Variants in HSDL2 observed in about 807,000 individuals in gnomAD.
The protein encoded by HSDL2 is hydroxysteroid dehydrogenase-like protein 2.
A neutral mutation model predicts 46.3 loss-of-function variants in HSDL2; 27 were observed. The ratio of observed to expected loss-of-function variants is 0.58; its 90% CI spans 0.43 to 0.80. The LOEUF (loss-of-function observed/expected upper bound fraction) is 0.80, where lower values mean the gene tolerates loss of function less well. Ranked by LOEUF, HSDL2 falls within the 30% of genes least tolerant of loss-of-function variation. The probability of loss-of-function intolerance (pLI) is 0.00; values close to 1 mark genes in which losing one functional copy is unlikely to be tolerated. For missense variants in HSDL2, 451 were observed against 502.7 expected (o/e 0.90, Z 0.98); for synonymous variants, 153 against 163.6 (o/e 0.94, Z 0.50).
At chr9:112,402,714 A>T (rs1181864706) in intron 1 of HSDL2, among the ~76,000 whole-genome samples, 2 of 152,146 alleles carry the variant, frequency 1.3e-5, no homozygotes, top group African/African-American at 4.8e-5. Context: ...CGAGGTCAGG[A>T]GTTCGAGACC....
At chr9:112,437,383 C>A (rs1259290705) in intron 6 of HSDL2, among the ~76,000 whole-genome samples, 1 of 152,102 alleles carries the variant, frequency 6.6e-6, no homozygotes, top group Non-Finnish European at 1.5e-5. Flanking sequence ...AGAGTTTATA[C>A]TACTTTCATT....
intron 10 of HSDL2, among the ~76,000 whole-genome samples, chr9:112,468,363 T>C (rs1236233196): frequency 6.6e-6 from 1 of 152,240 alleles, no homozygotes; most frequent in African/African-American, 2.4e-5. Context: ...ATTTAATCAC[T>C]CATTTCTCCT....
chr9:112,420,770 C>T (rs1420560527), intron 6 of HSDL2, among the ~76,000 whole-genome samples: 3 of 151,932 alleles, frequency 2.0e-5, no homozygotes, highest in East Asian at 1.9e-4. Context: ...CCATTTGTCC[C>T]GAGAATACTC....
At chr9:112,446,674 C>T (rs1402084939) in intron 8 of HSDL2, among the ~76,000 whole-genome samples, 4 of 152,114 alleles carry the variant, frequency 2.6e-5, no homozygotes, top group South Asian at 4.1e-4. Context: ...ACTACTCTCT[C>T]CTGGAATGCC....
chr9:112,451,264 T>C (rs1419437194), intron 8 of HSDL2, among the ~76,000 whole-genome samples: 1 of 152,178 alleles, frequency 6.6e-6, no homozygotes, highest in African/African-American at 2.4e-5. Context: ...TAATACCTTA[T>C]ATTAATAGTA....
intron 3 of HSDL2, among the ~76,000 whole-genome samples, chr9:112,408,323 C>T (rs1831777123): frequency 6.6e-6 from 1 of 152,312 alleles, no homozygotes; most frequent in African/African-American, 2.4e-5. Flanking sequence ...CTACAAACCA[C>T]CGAAGACTAA....
chr9:112,391,332 G>A (rs1831339993), intron 1 of HSDL2, among the ~76,000 whole-genome samples: 1 of 151,804 alleles, frequency 6.6e-6, no homozygotes, highest in Non-Finnish European at 1.5e-5. Context: ...AATTAACCAG[G>A]CATGTTGGCA....
chr9:112,461,018 G>A (rs7032579), intron 10 of HSDL2, among the ~76,000 whole-genome samples: 145,378 of 152,194 alleles, frequency 0.96, 69,497 homozygotes, highest in African/African-American at 0.98. Context: ...CTGTTTGGCA[G>A]TCTTTTTCAC....
At chr9:112,419,355 T>A (rs545375380) in intron 6 of HSDL2, among the ~76,000 whole-genome samples, 2 of 152,206 alleles carry the variant, frequency 1.3e-5, no homozygotes, top group Non-Finnish European at 2.9e-5. Flanking sequence ...TGAGAGTATG[T>A]AGACTGTTAA....
At chr9:112,445,126 G>A (rs1362134258) in intron 8 of HSDL2, among the ~76,000 whole-genome samples, 1 of 152,116 alleles carries the variant, frequency 6.6e-6, no homozygotes, top group East Asian at 1.9e-4. Context: ...CAATCATCCT[G>A]CCTCGGCCTC....
At chr9:112,455,927 C>G (rs374865350) in intron 9 of HSDL2, among the ~76,000 whole-genome samples, 20 of 152,262 alleles carry the variant, frequency 1.3e-4, no homozygotes, top group African/African-American at 4.3e-4. Flanking sequence ...ATCTCAAGCT[C>G]TAATGTCTAT....
rs1564131866 is a variant in HSDL2 at position 112,455,559 on chromosome 9, T to TGAA, written c.1015+1397_1015+1398insGAA. Among the ~76,000 whole-genome samples the TGAA allele has an allele frequency of 3.9e-4, 60 of 152,158 alleles. 1 individual carries two copies. Among genetic ancestry groups the TGAA allele is most frequent in the African/African-American group, 1.1e-3 (45 of 41,516 alleles). ...TTGCAAAGTTTTGGGGGAGGAAAGCTAAAAAAAATCACACCACCTGGGTGG... is the reference window on the plus strand; with the variant it reads ...TTGCAAAGTTTTGGGGGAGGAAAGCTGAAAAAAAAAATCACACCACCTGGGTGG... On this transcript the variant is annotated intron_variant, in intron 9 of 10. Coordinates refer to ENST00000398805, the MANE Select transcript of HSDL2 (RefSeq NM_032303.5).
chr9:112,404,256 C>A, intron 2 of HSDL2, 98 bp downstream of exon 2: 1 of 1,158,646 alleles, frequency 8.6e-7, no homozygotes, highest in South Asian at 1.5e-5. Flanking sequence ...TGAAAGCTAC[C>A]CTGAACATAA....
intron 6 of HSDL2, among the ~76,000 whole-genome samples, chr9:112,421,068 G>A (rs1035926590): frequency 6.6e-6 from 1 of 152,092 alleles, no homozygotes; most frequent in Non-Finnish European, 1.5e-5. Context: ...AGTGGCTCGT[G>A]CTTGTAATCC....
chr9:112,412,074 G>A (rs943485009), intron 4 of HSDL2, among the ~76,000 whole-genome samples: 1 of 152,144 alleles, frequency 6.6e-6, no homozygotes, highest in Non-Finnish European at 1.5e-5. Context: ...AATGCTCTGA[G>A]ATCTGAAACT....
rs780957603 is a variant in HSDL2 at position 112,436,960 on chromosome 9, C to CTTTTTTTTTTTTT, written c.599-1466_599-1454dup. Among the ~76,000 whole-genome samples, 52 of 126,776 alleles carry CTTTTTTTTTTTTT rather than the reference C, an allele frequency of 4.1e-4. 1 individual carries two copies. Among genetic ancestry groups the CTTTTTTTTTTTTT allele is most frequent in the East Asian group, 2.2e-3 (10 of 4,498 alleles). 83.2% of individuals were successfully genotyped at this position (126,776 alleles called of 152,430 possible). On this transcript the variant is annotated intron_variant, in intron 6 of 10. Coordinates refer to ENST00000398805, the MANE Select transcript of HSDL2 (RefSeq NM_032303.5). ...TTACTTCTCTTTCTTTTCTTTTTTTCTTTTTTTTTTTTTTTTTGAGACGGA... is the reference window on the plus strand; with the variant it reads ...TTACTTCTCTTTCTTTTCTTTTTTTCTTTTTTTTTTTTTTTTTTTTTTTTTTTTTTGAGACGGA...
At chr9:112,440,352 T>A (rs2132673026) in intron 7 of HSDL2, among the ~76,000 whole-genome samples, 1 of 151,916 alleles carries the variant, frequency 6.6e-6, no homozygotes, top group Admixed American at 6.6e-5. Flanking sequence ...GGAGGCTCAT[T>A]TGAGCCCAGA....
At position 112,380,134 on chromosome 9, in the gene HSDL2, C is replaced by A; in HGVS notation, c.-30C>A. On this transcript the variant is annotated 5_prime_UTR_variant, in exon 1 of 11. Transcript: ENST00000398805. Reference sequence around the variant, plus strand: ...GCTCTCTGCTCGCCGCCGCCGCTGTCGCCGCCACCTCCTCTGATCTACGAA... The same window carrying A: ...GCTCTCTGCTCGCCGCCGCCGCTGTAGCCGCCACCTCCTCTGATCTACGAA... The A allele has an allele frequency of 6.4e-7, 1 of 1,558,682 alleles. No individual in the cohort carries two copies.
At chr9:112,393,095 G>A (rs1275082416) in intron 1 of HSDL2, among the ~76,000 whole-genome samples, 1 of 152,102 alleles carries the variant, frequency 6.6e-6, no homozygotes, top group African/African-American at 2.4e-5. Flanking sequence ...CTAAAAAGTC[G>A]ATTAAACAGA....
Sources: gnomAD v4.1 joint callset for allele counts (sites outside exome capture counted in the v4.1 genomes callset) on GRCh38, gnomAD v4.1.1 for gene constraint, MANE v1.5 for transcripts, NCBI Gene and HGNC (gene_info 2026-07-23, HGNC 2026-07-21) for gene names.